PKHD1: variants seen among roughly 807,000 people sequenced by gnomAD.
PKHD1 encodes fibrocystin.
In PKHD1, 291 loss-of-function variants were observed where a neutral mutation model predicts 412.0. The observed-to-expected ratio is 0.71, with a 90% CI of 0.64 to 0.78. The LOEUF is 0.78. PKHD1 is among the 30% of genes least tolerant of loss of function. The pLI is 0.00. For missense variants in PKHD1, 4,825 were observed against 4,950.7 expected (o/e 0.97, Z 0.76); for synonymous variants, 1,777 against 1,821.5 (o/e 0.98, Z 0.62).
chr6:51,914,083 CAA>C (rs1293776204), intron 37 of PKHD1, among the ~76,000 whole-genome samples: 9 of 152,040 alleles, frequency 5.9e-5, no homozygotes, highest in Non-Finnish European at 1.3e-4. Context: ...TTATCCAAGA[CAA>C]AATGCCGTCA....
chr6:51,825,769 T>A (rs1045981747), intron 52 of PKHD1, among the ~76,000 whole-genome samples: 3 of 151,990 alleles, frequency 2.0e-5, no homozygotes, highest in African/African-American at 7.2e-5. Flanking sequence ...GAACACCCAC[T>A]CCACTTGTCA....
intron 29 of PKHD1, among the ~76,000 whole-genome samples, chr6:52,032,427 T>C (rs1223272039): frequency 6.6e-6 from 1 of 152,192 alleles, no homozygotes; most frequent in Admixed American, 6.5e-5. Context: ...ATGTAGTTGG[T>C]GCTAATGAAT....
At chr6:51,662,284 C>T (rs1772985839) in intron 60 of PKHD1, among the ~76,000 whole-genome samples, 1 of 151,670 alleles carries the variant, frequency 6.6e-6, no homozygotes, top group African/African-American at 2.4e-5. Context: ...GTTAATAATA[C>T]TGTATGATAT....
At chr6:51,853,913 G>A (rs558966840) in intron 49 of PKHD1, among the ~76,000 whole-genome samples, 11 of 152,242 alleles carry the variant, frequency 7.2e-5, no homozygotes, top group East Asian at 3.9e-4. Context: ...TGAAGCCTAC[G>A]TCTCTCAATT....
intron 66 of PKHD1, among the ~76,000 whole-genome samples, chr6:51,625,333 G>C (rs1340075521): frequency 6.6e-6 from 1 of 152,110 alleles, no homozygotes; most frequent in Non-Finnish European, 1.5e-5. Flanking sequence ...CAAAATTTAT[G>C]TAAAGCTACC....
chr6:51,756,202 T>C (rs993147316), intron 55 of PKHD1, among the ~76,000 whole-genome samples: 1 of 151,952 alleles, frequency 6.6e-6, no homozygotes, highest in African/African-American at 2.4e-5. Context: ...GAATTTAGAG[T>C]CTTAGCTCTG....
At chr6:52,031,002 A>G (rs1802957858) in intron 29 of PKHD1, among the ~76,000 whole-genome samples, 1 of 152,154 alleles carries the variant, frequency 6.6e-6, no homozygotes, top group African/African-American at 2.4e-5. Flanking sequence ...AATAGGACCA[A>G]TAGGCAGGGC....
chr6:51,813,902 G>T (rs1350785888), intron 52 of PKHD1, among the ~76,000 whole-genome samples: 2 of 152,016 alleles, frequency 1.3e-5, no homozygotes, highest in African/African-American at 4.8e-5. Context: ...AAAAACCTAG[G>T]CATAAAGCTA....
intron 16 of PKHD1, 102 bp downstream of exon 16, chr6:52,058,221 T>C (rs1808088892): frequency 1.2e-5 from 13 of 1,076,754 alleles, no homozygotes; most frequent in Non-Finnish European, 1.9e-5. Flanking sequence ...AGCAAGGTTA[T>C]AATGACCCCT....
intron 60 of PKHD1, among the ~76,000 whole-genome samples, chr6:51,743,240 A>C (rs899140124): frequency 1.3e-5 from 2 of 152,184 alleles, no homozygotes; most frequent in African/African-American, 4.8e-5. Flanking sequence ...AGTGAGAGAC[A>C]ATGGTGGCTA....
Position 52,028,943 on chromosome 6 carries a change from C to T in PKHD1, c.3365-592G>A, listed in dbSNP as rs560261562. On this transcript the variant is annotated intron_variant, in intron 29 of 66. Transcript: ENST00000371117. ...CAAATCAAGAAGTTTGCAGAGCTAACGGTCTTTATAACCAGCAAAGAGCAC... is the reference window on the plus strand; with the variant it reads ...CAAATCAAGAAGTTTGCAGAGCTAATGGTCTTTATAACCAGCAAAGAGCAC... 5.3e-5 allele frequency among the ~76,000 whole-genome samples: 8 copies of T among 152,228 alleles called. No homozygotes were observed. The South Asian group carries it at 1.2e-3, about 24-fold the overall frequency.
At chr6:51,920,280 T>A (rs777800401) in intron 37 of PKHD1, among the ~76,000 whole-genome samples, 15 of 152,352 alleles carry the variant, frequency 9.8e-5, no homozygotes, top group Admixed American at 5.9e-4. Flanking sequence ...AGATAGCTCT[T>A]ATGAGTTTGA....
intron 43 of PKHD1, among the ~76,000 whole-genome samples, chr6:51,895,703 C>G (rs1779803445): frequency 6.6e-6 from 1 of 152,102 alleles, no homozygotes; most frequent in Non-Finnish European, 1.5e-5. Flanking sequence ...TCTACAGCTC[C>G]CAGTGTGAGC....
In PKHD1 at chr6:52,028,343, T is replaced by G. The variant is rs144365187; in HGVS notation, c.3373A>C (p.Thr1125Pro). 100 of 1,613,472 alleles carry G rather than the reference T, an allele frequency of 6.2e-5. No homozygotes were observed. The African/African-American group carries it at 1.3e-3, about 21-fold the overall frequency. ...RNISNIAGGE[T>P]LVIGVARLMN... is the part of the protein sequence containing the mutation. Reference sequence around the variant, plus strand: ...AGCCTCGCCACTCCAATGACCAGGGTCTCACCGCCTGTGTTGAGAAGAATC... The same window carrying G: ...AGCCTCGCCACTCCAATGACCAGGGGCTCACCGCCTGTGTTGAGAAGAATC... Residue 1125 changes from threonine (T) to proline (P), a missense_variant, in exon 30 of 67, where the codon ACC (threonine) becomes CCC (proline). Thr to Pro is a conservative substitution (Grantham distance 38). Transcript: ENST00000371117.
intron 60 of PKHD1, among the ~76,000 whole-genome samples, chr6:51,682,748 A>C (rs551947073): frequency 6.6e-6 from 1 of 152,120 alleles, no homozygotes; most frequent in Non-Finnish European, 1.5e-5. Context: ...AGCCTAGGGG[A>C]GTCTTACCAA....
intron 43 of PKHD1, among the ~76,000 whole-genome samples, chr6:51,887,758 C>G (rs931628972): frequency 3.3e-5 from 5 of 152,324 alleles, no homozygotes; most frequent in African/African-American, 9.6e-5. Context: ...CCTGTATAGC[C>G]TGCAGAACCA....
At chr6:51,758,573 G>A (rs76591113) in intron 55 of PKHD1, among the ~76,000 whole-genome samples, 6,761 of 152,172 alleles carry the variant, frequency 0.044, 211 homozygotes, top group Middle Eastern at 0.11. Context: ...AGACTTGCTT[G>A]TTGTTATGAG....
At chr6:51,795,121 T>C (rs1486064734) in intron 52 of PKHD1, among the ~76,000 whole-genome samples, 1 of 152,216 alleles carries the variant, frequency 6.6e-6, no homozygotes, top group Admixed American at 6.5e-5. Context: ...TTAGATAGTA[T>C]GGCCATTTTC....
intron 27 of PKHD1, among the ~76,000 whole-genome samples, chr6:52,039,734 C>T (rs1804535534): frequency 2.6e-5 from 4 of 152,074 alleles, no homozygotes; most frequent in Admixed American, 1.3e-4. Context: ...ACCATATGAC[C>T]CAGCAATTCC....
Sources: gnomAD v4.1 joint callset for allele counts (sites outside exome capture counted in the v4.1 genomes callset) on GRCh38, gnomAD v4.1.1 for gene constraint, MANE v1.5 for transcripts, NCBI Gene and HGNC (gene_info 2026-07-23, HGNC 2026-07-21) for gene names.